AIRE: variants seen among roughly 807,000 people sequenced by gnomAD.
AIRE encodes the protein autoimmune regulator.
AIRE carries 52 observed loss-of-function variants against 62.1 expected under a neutral mutation model. The ratio of observed to expected loss-of-function variants is 0.84; its 90% CI spans 0.67 to 1.06. The LOEUF (loss-of-function observed/expected upper bound fraction) is 1.06. Ranked by LOEUF, AIRE falls within the 50% of genes least tolerant of loss-of-function variation. The probability of loss-of-function intolerance (pLI) is 0.00; values close to 1 mark genes in which losing one functional copy is unlikely to be tolerated. For synonymous variants in AIRE, 342 were observed against 321.6 expected (o/e 1.06, Z -0.68); for missense variants, 774 against 755.8 (o/e 1.02, Z -0.28).
At position 44,297,580 on chromosome 21, in the gene AIRE, C is replaced by T; in HGVS notation, c.1567-76C>T. 7.3e-7 allele frequency: 1 copy of T among 1,367,476 alleles called. No homozygotes were observed. Among genetic ancestry groups the T allele is most frequent in the Non-Finnish European group, 1.0e-6 (1 of 963,560 alleles). 84.7% of individuals were successfully genotyped at this position (1,367,476 alleles called of 1,614,324 possible). ...TAGAGGGAAGGTTGGATGGTGACTT[C>T]TTGTAACGATGGCCATGATTCTGTG... On this transcript the variant is annotated intron_variant, in intron 13 of 13. Transcript: ENST00000291582. This position sits in a 1 kb window ranked among gnomAD's most constrained non-coding sequence, Gnocchi z 4.8.
intron 5 of AIRE, chr21:44,288,803 G>A: frequency 3.7e-6 from 1 of 269,808 alleles, no homozygotes. Flanking sequence ...CAGGGTATCG[G>A]CATTCTTCAA....
chr21:44,294,819 G>C (rs1480357642), intron 12 of AIRE, among the ~76,000 whole-genome samples: 2 of 152,232 alleles, frequency 1.3e-5, no homozygotes, highest in South Asian at 2.1e-4. Flanking sequence ...AAGGGAGAGC[G>C]GGAGCGCCCG....
At position 44,292,295 on chromosome 21, in the gene AIRE, C is replaced by T. The variant is rs568895777; in HGVS notation, c.996-7C>T. On this transcript the variant is annotated splice_polypyrimidine_tract_variant and splice_region_variant and intron_variant, in intron 8 of 13. Transcript: ENST00000291582. Reference sequence around the variant, plus strand: ...TGCATGTCTCTGACTGGTGGACACACGAGCAGTGGGACCTGGAGGTGCTCC... The same window carrying T: ...TGCATGTCTCTGACTGGTGGACACATGAGCAGTGGGACCTGGAGGTGCTCC... 157 of 1,566,294 alleles carry T rather than the reference C, an allele frequency of 1.0e-4. No homozygotes were observed. The highest frequency in any genetic ancestry group is 1.7e-4 in the Middle Eastern group (1 of 6,002).
In AIRE at chr21:44,289,727, TG is replaced by T; in HGVS notation, c.726del (p.Lys243ArgfsTer135). 2.5e-6 allele frequency: 4 copies of T among 1,612,780 alleles called. No homozygotes were observed. The highest frequency in any genetic ancestry group is 3.4e-6 in the Non-Finnish European group (4 of 1,179,980). On this transcript the variant is annotated frameshift_variant, in exon 6 of 14. Coordinates refer to ENST00000291582, the MANE Select transcript of AIRE (RefSeq NM_000383.4). LOFTEE classifies it high-confidence loss of function. ...TPSKFEDSGSGKNKARSSSGP... is the reference protein window; with the variant it reads ...TPSKFEDSGSXKNKARSSSGP... The stretch of plus-strand genomic sequence containing the variant: ...CCAGCAAGTTCGAAGACTCCGGCAG[TG>T]GGAAGAACAAGGCCCGCAGCAGCAG...
In AIRE at chr21:44,295,560, G is replaced by T; in HGVS notation, c.1504-823G>T. Among the ~76,000 whole-genome samples the T allele has an allele frequency of 2.0e-5, 3 of 152,306 alleles. 1 individual carries two copies. The South Asian group carries it at 6.2e-4, about 32-fold the overall frequency. ...AGGCAGCTTTCCTGCAACTGCTCCCGCAGCGGGTACCTCGTCATTAACCTC... is the reference window on the plus strand; with the variant it reads ...AGGCAGCTTTCCTGCAACTGCTCCCTCAGCGGGTACCTCGTCATTAACCTC... On this transcript the variant is annotated intron_variant, in intron 12 of 13. Transcript: ENST00000291582.
Position 44,287,248 on chromosome 21 carries a change from C to T in AIRE, c.463+115C>T, listed in dbSNP as rs754211503. The T allele has an allele frequency of 1.1e-4, 141 of 1,331,790 alleles. 1 individual carries two copies. Among genetic ancestry groups the T allele is most frequent in the Middle Eastern group, 2.5e-4 (1 of 3,930 alleles). The allele number at this position is 1,331,790 out of a possible 1,614,324, so 82.5% of individuals were successfully genotyped here. A position where few individuals can be genotyped will look rare whatever the true frequency, so the allele number is the denominator to read the frequency against. ...CCCACTGGGTGTGGGGCCAGCCTGC[C>T]TGGGGCTGTGGGGGTCTCCTCTGGG... is the stretch of plus-strand genomic sequence containing the variant. On this transcript the variant is annotated intron_variant, in intron 3 of 13. Coordinates refer to ENST00000291582, the MANE Select transcript of AIRE (RefSeq NM_000383.4). This position sits in a 1 kb window ranked among gnomAD's most constrained non-coding sequence, Gnocchi z 4.3.
rs2040617744 is a variant in AIRE, at chr21:44,297,128, G to T, written c.1567-528G>T. On this transcript the variant is annotated intron_variant, in intron 13 of 13. Transcript: ENST00000291582. This position sits in a 1 kb window ranked among gnomAD's most constrained non-coding sequence, Gnocchi z 4.8. The stretch of plus-strand genomic sequence containing the variant: ...CCCAGGGCCTGAGAGTGGGCCAGGG[G>T]GCCCAGCGCTGGGTAATGGAGCTGC... 6.6e-6 allele frequency among the ~76,000 whole-genome samples: 1 copy of T among 152,192 alleles called. No homozygotes were observed. Among genetic ancestry groups the T allele is most frequent in the Non-Finnish European group, 1.5e-5 (1 of 68,022 alleles).
chr21:44,292,155 C>T lies in AIRE; in HGVS notation c.996-147C>T, dbSNP rs560239538. Reference sequence around the variant, plus strand: ...TGTCCCCCTGCTGGGCTCTCCCTTCCTGTGTCTCTGCCCATCTCTCTGCTG... The same window carrying T: ...TGTCCCCCTGCTGGGCTCTCCCTTCTTGTGTCTCTGCCCATCTCTCTGCTG... On this transcript the variant is annotated intron_variant, in intron 8 of 13. Coordinates refer to ENST00000291582, the MANE Select transcript of AIRE (RefSeq NM_000383.4). The T allele has an allele frequency of 1.8e-5, 13 of 738,724 alleles. No individual in the cohort carries two copies. The East Asian group carries it at 3.5e-4, about 20-fold the overall frequency. 45.8% of individuals were successfully genotyped at this position (738,724 alleles called of 1,614,324 possible). A position where few individuals can be genotyped will look rare whatever the true frequency, so the allele number is the denominator to read the frequency against.
At position 44,286,798 on chromosome 21, in the gene AIRE, T is replaced by C; in HGVS notation, c.307+67T>C. 6.3e-7 allele frequency: 1 copy of C among 1,592,534 alleles called. No individual in the cohort carries two copies. The highest frequency in any genetic ancestry group is 8.6e-7 in the Non-Finnish European group (1 of 1,163,402). Reference sequence around the variant, plus strand: ...GCTGCTGTCACCTGCTCAGCCCAGCTGGACTGGAACCGGAGTGGTGTTTGA... The same window carrying C: ...GCTGCTGTCACCTGCTCAGCCCAGCCGGACTGGAACCGGAGTGGTGTTTGA... On this transcript the variant is annotated intron_variant, in intron 2 of 13. Transcript: ENST00000291582. This position sits in a 1 kb window ranked among gnomAD's most constrained non-coding sequence, Gnocchi z 6.0.
chr21:44,292,813 T>C (rs1306987643), intron 9 of AIRE, among the ~76,000 whole-genome samples, 180 bp from the exon 10 acceptor site: 8 of 151,986 alleles, frequency 5.3e-5, no homozygotes. Flanking sequence ...AGCCAGGAAG[T>C]GCCACAGCCT....
At chr21:44,291,925 T>C (rs9983695) in intron 8 of AIRE, among the ~76,000 whole-genome samples, 39,284 of 152,192 alleles carry the variant, frequency 0.26, 8,141 homozygotes, top group African/African-American at 0.57. Flanking sequence ...GCCGTCTCTT[T>C]CTGCCCTTGA....
At chr21:44,288,280 C>A in intron 4 of AIRE, 65 bp from the exon 5 acceptor site, 2 of 1,303,962 alleles carry the variant, frequency 1.5e-6, no homozygotes, top group Non-Finnish European at 2.2e-6. Context: ...CTGCTTCTGG[C>A]ATAGAGTATG....
At chr21:44,290,642 G>C (rs2040526877) in intron 7 of AIRE, 11 of 1,100,676 alleles carry the variant, frequency 1.0e-5, no homozygotes, top group Non-Finnish European at 1.2e-5. Context: ...GGCTGTCTGG[G>C]GGGATTCTGG....
intron 12 of AIRE, among the ~76,000 whole-genome samples, chr21:44,295,297 T>C (rs9982393): frequency 0.021 from 3,209 of 152,000 alleles, 117 homozygotes; most frequent in African/African-American, 0.073. Context: ...CCCAGGAGGG[T>C]GACAGCCTAC....
rs892965002 is a variant in AIRE, at chr21:44,286,861, C to T, written c.308-117C>T. The T allele has an allele frequency of 1.9e-6, 3 of 1,569,526 alleles. No homozygotes were observed. In the African/African-American group the frequency reaches 4.1e-5, roughly 21 times the overall value. ...TGATGTTCCAGGACCGTCTTGGATC[C>T]TAAGAGGCAAAGGGGCCAGGCCTCA... On this transcript the variant is annotated intron_variant, in intron 2 of 13. Transcript: ENST00000291582. The surrounding 1 kb of genome is among the most constrained non-coding windows in gnomAD (Gnocchi z 6.0).
At chr21:44,289,917 C>G in intron 6 of AIRE, 71 bp from the exon 7 acceptor site, 3 of 1,599,396 alleles carry the variant, frequency 1.9e-6, no homozygotes, top group Non-Finnish European at 2.6e-6. Context: ...CCGAGAGACG[C>G]CTGGTGCCAC....
chr21:44,290,258 A>G lies in AIRE; in HGVS notation c.879+190A>G, dbSNP rs140060770. 1.4e-5 allele frequency: 14 copies of G among 985,374 alleles called. No homozygotes were observed. The Admixed American group carries it at 2.5e-4, about 17-fold the overall frequency. The allele number at this position is 985,374 out of a possible 1,614,324, so 61.0% of individuals were successfully genotyped here. A position where few individuals can be genotyped will look rare whatever the true frequency, so the allele number is the denominator to read the frequency against. On this transcript the variant is annotated intron_variant, in intron 7 of 13. Coordinates refer to ENST00000291582, the MANE Select transcript of AIRE (RefSeq NM_000383.4). ...ATAATACGCAATGGTAATAGTTTAA[A>G]TGAGTCAGAGAAAGTGAGGTCTTCT...
intron 7 of AIRE, 160 bp from the exon 8 acceptor site, chr21:44,290,935 G>T: frequency 6.2e-7 from 1 of 1,612,024 alleles, no homozygotes; most frequent in Non-Finnish European, 8.5e-7. Flanking sequence ...CAGGTGGTCA[G>T]GGCAGAATTT....
In AIRE at chr21:44,293,068, A is replaced by G. The variant is rs760557732; in HGVS notation, c.1171A>G (p.Thr391Ala). The stretch of plus-strand genomic sequence containing the variant: ...GGAACCCCTAGCCGGCATGGACACG[A>G]CTCTTGTCTACAAGCACCTGCCGGC... Reference protein sequence around the residue: ...PGEPLAGMDTTLVYKHLPAPP... With the variant: ...PGEPLAGMDTALVYKHLPAPP... The change falls in exon 10 of 14, where the codon ACT becomes GCT. Residue 391 changes from threonine (T) to alanine (A), a missense_variant. Physicochemically the swap from Thr to Ala is moderately conservative, Grantham distance 58. This residue lies in a region of AIRE where 354 missense variants were observed against 296.1 expected (regional missense o/e 1.20). Coordinates refer to ENST00000291582, the MANE Select transcript of AIRE (RefSeq NM_000383.4). 12 of 1,611,530 alleles carry G rather than the reference A, an allele frequency of 7.4e-6. No individual in the cohort carries two copies. Among genetic ancestry groups the G allele is most frequent in the Admixed American group, 1.7e-5 (1 of 59,924 alleles).
Sources: allele counts gnomAD v4.1 joint callset (sites outside exome capture counted in the v4.1 genomes callset), GRCh38; gene constraint gnomAD v4.1.1; regional missense constraint gnomAD v4.1.1; non-coding constraint Gnocchi (gnomAD v3.1); transcripts MANE v1.5; gene names NCBI Gene and HGNC (gene_info 2026-07-23, HGNC 2026-07-21).